PARP15: variants seen among roughly 807,000 people sequenced by gnomAD.
The protein encoded by PARP15 is protein mono-ADP-ribosyltransferase PARP15.
PARP15 carries 50 observed loss-of-function variants against 62.1 expected under a neutral mutation model. The observed-to-expected ratio is 0.81, with a 90% CI of 0.64 to 1.02. The LOEUF (loss-of-function observed/expected upper bound fraction) is 1.02, where lower values mean the gene tolerates loss of function less well. Ranked by LOEUF, PARP15 falls within the 50% of genes least tolerant of loss-of-function variation. PARP15 has a pLI of 0.00. For missense variants in PARP15, 820 were observed against 826.5 expected (o/e 0.99, Z 0.10); for synonymous variants, 309 against 293.1 (o/e 1.05, Z -0.55).
intron 1 of PARP15, among the ~76,000 whole-genome samples, chr3:122,581,509 C>T (rs1188842598): frequency 6.6e-6 from 1 of 152,122 alleles, no homozygotes; most frequent in Admixed American, 6.6e-5. Context: ...CAGTGTTGAG[C>T]ATCTTTTTAT....
intron 1 of PARP15, among the ~76,000 whole-genome samples, chr3:122,587,781 A>C (rs1338905665): frequency 2.0e-5 from 3 of 152,052 alleles, no homozygotes; most frequent in Non-Finnish European, 4.4e-5. Flanking sequence ...CAGTCTCCTA[A>C]AGTACTAGGA....
intron 10 of PARP15, among the ~76,000 whole-genome samples, chr3:122,634,216 G>A (rs556674503): frequency 1.3e-5 from 2 of 152,158 alleles, no homozygotes; most frequent in African/African-American, 4.8e-5. Context: ...GTTATCTGGA[G>A]CCCCTTCCTA....
At chr3:122,608,856 C>G (rs575874988) in intron 2 of PARP15, among the ~76,000 whole-genome samples, 2 of 151,564 alleles carry the variant, frequency 1.3e-5, no homozygotes, top group Non-Finnish European at 2.9e-5. Flanking sequence ...CAGTCTCAAC[C>G]TCCTAGGCTC....
At chr3:122,578,081 A>G (rs1371454523) in intron 1 of PARP15, among the ~76,000 whole-genome samples, 2 of 151,398 alleles carry the variant, frequency 1.3e-5, no homozygotes, top group East Asian at 3.9e-4. Flanking sequence ...AAAATTTAAA[A>G]GTTCTTTATA....
intron 1 of PARP15, among the ~76,000 whole-genome samples, chr3:122,598,665 G>T (rs572836246): frequency 1.2e-4 from 18 of 152,266 alleles, no homozygotes; most frequent in Admixed American, 2.6e-4. Context: ...GCCATATTTT[G>T]TTGGTCACAC....
intron 10 of PARP15, among the ~76,000 whole-genome samples, chr3:122,633,409 C>T (rs1937171068): frequency 1.3e-5 from 2 of 152,172 alleles, no homozygotes; most frequent in African/African-American, 4.8e-5. Flanking sequence ...GTTGGAAGTA[C>T]AGTCCTGGGC....
intron 1 of PARP15, among the ~76,000 whole-genome samples, chr3:122,591,805 C>T (rs1395877100): frequency 6.7e-6 from 1 of 148,258 alleles, no homozygotes; most frequent in African/African-American, 2.5e-5. Context: ...CAGACTATAG[C>T]TTTCACCTTT....
At chr3:122,581,872 C>G (rs1341584393) in intron 1 of PARP15, among the ~76,000 whole-genome samples, 1 of 152,082 alleles carries the variant, frequency 6.6e-6, no homozygotes, top group African/African-American at 2.4e-5. Context: ...TTCTTTATGC[C>G]AGTACTGTAC....
chr3:122,636,287 A>G lies in PARP15; in HGVS notation c.*187A>G. ...CATACCTTTTTTTCTCAGCAAATTG[A>G]TGGGTGGAAGCTGAGAAATGTATGG... On this transcript the variant is annotated 3_prime_UTR_variant, in exon 12 of 12. Transcript: ENST00000464300. 3.4e-6 allele frequency: 2 copies of G among 594,076 alleles called. No individual in the cohort carries two copies. The highest frequency in any genetic ancestry group is 5.9e-6 in the Non-Finnish European group (2 of 341,810). 36.8% of individuals were successfully genotyped at this position (594,076 alleles called of 1,614,324 possible).
At chr3:122,624,912 G>A (rs183345956) in intron 8 of PARP15, among the ~76,000 whole-genome samples, 147 of 152,040 alleles carry the variant, frequency 9.7e-4, no homozygotes, top group Non-Finnish European at 1.7e-3. Context: ...TCCCCATTTT[G>A]TAGATGAGGA....
chr3:122,617,774 G>C (rs1038797309), intron 6 of PARP15, among the ~76,000 whole-genome samples: 3 of 152,198 alleles, frequency 2.0e-5, no homozygotes. Flanking sequence ...TGTCGCCCAG[G>C]CTGGAATGCA....
chr3:122,617,709 T>C (rs1936073936), intron 6 of PARP15, among the ~76,000 whole-genome samples: 1 of 152,170 alleles, frequency 6.6e-6, no homozygotes, highest in South Asian at 2.1e-4. Context: ...TATTAATTTA[T>C]AACTTATACA....
intron 1 of PARP15, among the ~76,000 whole-genome samples, chr3:122,599,062 A>AT (rs1317331169): frequency 1.3e-5 from 2 of 151,744 alleles, no homozygotes; most frequent in African/African-American, 2.4e-5. Context: ...CACTCAGCTA[A>AT]TTTTTTGTAT....
At chr3:122,629,704 A>G (rs1468446478) in intron 9 of PARP15, among the ~76,000 whole-genome samples, 2 of 150,950 alleles carry the variant, frequency 1.3e-5, no homozygotes, top group African/African-American at 4.9e-5. Flanking sequence ...CACAGTGTAG[A>G]ATCAGTGGGA....
rs372884712 is a variant in PARP15, at chr3:122,636,097, T to A, written c.2034T>A (p.Ala678=). The A allele has an allele frequency of 9.4e-5, 151 of 1,606,620 alleles. No individual in the cohort carries two copies. The highest frequency in any genetic ancestry group is 1.2e-4 in the Non-Finnish European group (141 of 1,174,800). ...CAGAATATCTCATAACTTTCACGGC[T>A]TAAAAATATTTTTATCATCAAAGAG... The part of the protein sequence containing the change: ...AYPEYLITFT[A] Residue 678 remains alanine (A), a synonymous_variant, in exon 12 of 12, where the codon GCT becomes GCA. Transcript: ENST00000464300.
intron 10 of PARP15, among the ~76,000 whole-genome samples, chr3:122,634,322 T>C (rs1937230512): frequency 6.6e-6 from 1 of 152,162 alleles, no homozygotes; most frequent in Non-Finnish European, 1.5e-5. Flanking sequence ...CCCCATGCCA[T>C]TAGACTGAAT....
chr3:122,610,863 T>C (rs1935516770), intron 3 of PARP15, 133 bp downstream of exon 3: 3 of 654,206 alleles, frequency 4.6e-6, no homozygotes, highest in African/African-American at 3.7e-5. Context: ...CTGCTGCTGG[T>C]ATCTAGTGGG....
At chr3:122,612,331 A>C (rs1036283929) in intron 3 of PARP15, among the ~76,000 whole-genome samples, 24 of 150,658 alleles carry the variant, frequency 1.6e-4, no homozygotes, top group African/African-American at 5.4e-4. Context: ...CTGGGATTAC[A>C]GGTGTGAACC....
rs754742950 is a variant in PARP15, at chr3:122,632,180, CA to C, written c.1535del (p.Lys512SerfsTer11). 3.9e-5 allele frequency: 63 copies of C among 1,613,738 alleles called. No individual in the cohort carries two copies. The Admixed American group carries it at 1.1e-3, about 27-fold the overall frequency. ...GQSEYNTIKDKFTRTCSSYAI... is the reference protein window; with the variant it reads ...GQSEYNTIKDXFTRTCSSYAI... ...AATCAGAATATAATACCATAAAGGA[CA>C]AGTTCACCCGAACTTGTTCTTCCTA... On this transcript the variant is annotated frameshift_variant, in exon 10 of 12. Coordinates refer to ENST00000464300, the MANE Select transcript of PARP15 (RefSeq NM_001113523.3). LOFTEE classifies it high-confidence loss of function.
Sources: gnomAD v4.1 joint callset for allele counts (sites outside exome capture counted in the v4.1 genomes callset) on GRCh38, gnomAD v4.1.1 for gene constraint, MANE v1.5 for transcripts, NCBI Gene and HGNC (gene_info 2026-07-23, HGNC 2026-07-21) for gene names.